Variants in MYBPC2 observed in about 807,000 individuals in gnomAD.
MYBPC2 encodes myosin-binding protein C, fast-type.
MYBPC2 carries 122 observed loss-of-function variants against 137.0 expected under a neutral mutation model. The observed-to-expected ratio is 0.89, with a 90% CI of 0.77 to 1.03. MYBPC2 has a LOEUF of 1.03. Among genes scored for constraint, MYBPC2 ranks in the 50% least tolerant of loss-of-function variants. The pLI is 0.00. For synonymous variants in MYBPC2, 626 were observed against 612.3 expected (o/e 1.02, Z -0.33); for missense variants, 1,500 against 1,534.4 (o/e 0.98, Z 0.37).
At chr19:50,456,362 A>G (rs1041559024) in intron 20 of MYBPC2, among the ~76,000 whole-genome samples, 2 of 123,830 alleles carry the variant, frequency 1.6e-5, no homozygotes, top group East Asian at 2.3e-4. Context: ...CCATCCATCC[A>G]TCTGTCCATC....
chr19:50,458,714 G>T lies in MYBPC2; in HGVS notation c.2466G>T (p.Pro822=). 6.2e-7 allele frequency: 1 copy of T among 1,609,374 alleles called. No homozygotes were observed. Among genetic ancestry groups the T allele is most frequent in the Non-Finnish European group, 8.5e-7 (1 of 1,179,846 alleles). ...TCAACATCGCGGGGCGCAGCGAGCC[G>T]GCCACCCTGGCCCAGCCGGTCACCA... ...VGVNIAGRSE[P]ATLAQPVTIR... Residue 822 remains proline (P), a synonymous_variant, in exon 21 of 28, where the codon CCG becomes CCT. Coordinates refer to ENST00000357701, the MANE Select transcript of MYBPC2 (RefSeq NM_004533.4).
rs761754178 is a variant in MYBPC2 at position 50,466,153 on chromosome 19, C to T, written c.3416-42C>T. The T allele has an allele frequency of 2.0e-5, 33 of 1,612,714 alleles. No homozygotes were observed. The highest frequency in any genetic ancestry group is 1.3e-4 in the East Asian group (6 of 44,840). ...CTCCTCCTGGGGCTTCAGGAGGAGGCGTGCCCGGGCCTGGCTCACCCGCTT... is the reference window on the plus strand; with the variant it reads ...CTCCTCCTGGGGCTTCAGGAGGAGGTGTGCCCGGGCCTGGCTCACCCGCTT... On this transcript the variant is annotated intron_variant, in intron 27 of 27. Coordinates refer to ENST00000357701, the MANE Select transcript of MYBPC2 (RefSeq NM_004533.4). This position sits in a 1 kb window ranked among gnomAD's most constrained non-coding sequence, Gnocchi z 4.9.
chr19:50,461,089 C>G (rs1477625589), intron 24 of MYBPC2, among the ~76,000 whole-genome samples: 1 of 151,964 alleles, frequency 6.6e-6, no homozygotes, highest in Non-Finnish European at 1.5e-5. Context: ...CTGCAGCCTC[C>G]AACCCGCAGG....
At position 50,435,377 on chromosome 19, in the gene MYBPC2, C is replaced by T. The variant is rs1329312942; in HGVS notation, c.109+127C>T. 1 of 656,626 alleles carries T rather than the reference C, an allele frequency of 1.5e-6. No homozygotes were observed. The highest frequency in any genetic ancestry group is 2.8e-5 in the East Asian group (1 of 35,784). 40.7% of individuals were successfully genotyped at this position (656,626 alleles called of 1,614,324 possible). A position where few individuals can be genotyped will look rare whatever the true frequency, so the allele number is the denominator to read the frequency against. Reference sequence around the variant, plus strand: ...TCCCCGCACAGCCCCAGGGCTGACCCACGCCTCCCGTGCTCCCAGCCCTCC... The same window carrying T: ...TCCCCGCACAGCCCCAGGGCTGACCTACGCCTCCCGTGCTCCCAGCCCTCC... On this transcript the variant is annotated intron_variant, in intron 2 of 27. Coordinates refer to ENST00000357701, the MANE Select transcript of MYBPC2 (RefSeq NM_004533.4). This position sits in a 1 kb window ranked among gnomAD's most constrained non-coding sequence, Gnocchi z 4.8.
Position 50,443,603 on chromosome 19 carries a change from G to A in MYBPC2, c.1012G>A (p.Glu338Lys), listed in dbSNP as rs779252873. ...TGTCAAGGATGAGAAGTGTTTCACC[G>A]AGCTCTTCGTCAAAGGTGAGGCTGG... ...VAVKDEKCFT[E>K]LFVKEPPVLI... Residue 338 changes from glutamate (E) to lysine (K), a missense_variant, in exon 10 of 28, where the codon GAG (glutamate) becomes AAG (lysine). Coordinates refer to ENST00000357701, the MANE Select transcript of MYBPC2 (RefSeq NM_004533.4). 29 of 1,613,418 alleles carry A rather than the reference G, an allele frequency of 1.8e-5. No individual in the cohort carries two copies. In the South Asian group the frequency reaches 2.2e-4, roughly 12 times the overall value.
At chr19:50,453,988 G>A in intron 16 of MYBPC2, 32 bp from the exon 17 acceptor site, 1 of 1,561,822 alleles carries the variant, frequency 6.4e-7, no homozygotes, top group East Asian at 2.4e-5. Flanking sequence ...GGGACACGAT[G>A]GGGTGCAAGG....
At position 50,437,721 on chromosome 19, in the gene MYBPC2, G is replaced by C. The variant is rs766731410; in HGVS notation, c.572+3G>C. ...TTCAGTGGCCTGTTGAAGAAGAGGTGAGCCCCGGACTTGGCACAGAGAGGG... is the reference window on the plus strand; with the variant it reads ...TTCAGTGGCCTGTTGAAGAAGAGGTCAGCCCCGGACTTGGCACAGAGAGGG... On this transcript the variant is annotated splice_donor_region_variant and intron_variant, in intron 7 of 27. Coordinates refer to ENST00000357701, the MANE Select transcript of MYBPC2 (RefSeq NM_004533.4). 1.2e-6 allele frequency: 2 copies of C among 1,600,836 alleles called. No homozygotes were observed. Among genetic ancestry groups the C allele is most frequent in the Admixed American group, 1.7e-5 (1 of 57,954 alleles).
intron 8 of MYBPC2, among the ~76,000 whole-genome samples, chr19:50,441,638 G>A (rs1036110670): frequency 2.0e-5 from 3 of 151,972 alleles, no homozygotes; most frequent in Admixed American, 2.0e-4. Context: ...TCAGGAGTTC[G>A]AGACCAGCCT....
At chr19:50,456,878 C>T (rs932427520) in intron 20 of MYBPC2, among the ~76,000 whole-genome samples, 2 of 152,214 alleles carry the variant, frequency 1.3e-5, no homozygotes, top group Non-Finnish European at 2.9e-5. Context: ...TCTGTACCTC[C>T]ATACATCCAC....
At chr19:50,453,681 C>T (rs1417789852) in intron 16 of MYBPC2, among the ~76,000 whole-genome samples, 1 of 152,044 alleles carries the variant, frequency 6.6e-6, no homozygotes, top group Admixed American at 6.6e-5. Context: ...GCTGGGATTA[C>T]AGGCATGCAC....
intron 6 of MYBPC2, 58 bp from the exon 7 acceptor site, chr19:50,437,601 G>A: frequency 6.3e-7 from 1 of 1,590,958 alleles, no homozygotes; most frequent in South Asian, 1.1e-5. Context: ...GGAGGATTGG[G>A]GAAGGCAAGG....
At chr19:50,454,420 G>GTTTTTTTTTT in intron 18 of MYBPC2, 51 bp downstream of exon 18, 1 of 735,496 alleles carries the variant, frequency 1.4e-6, no homozygotes, top group Non-Finnish European at 1.9e-6. Flanking sequence ...TCTGCCTTCT[G>GTTTTTTTTTT]TTTTTTTTTT....
At chr19:50,444,290 T>TCATTCATCCATC (rs1352865200) in intron 11 of MYBPC2, among the ~76,000 whole-genome samples, 3 of 117,902 alleles carry the variant, frequency 2.5e-5, no homozygotes, top group Admixed American at 9.0e-5. Flanking sequence ...GTCCATCCAT[T>TCATTCATCCATC]CATCCATCCA....
In MYBPC2 at chr19:50,448,232, G is replaced by A. The variant is rs1326164788; in HGVS notation, c.1314G>A (p.Gln438=). The change falls in exon 13 of 28, where the codon CAG becomes CAA. Residue 438 remains glutamine, a synonymous_variant. Transcript: ENST00000357701. Reference sequence around the variant, plus strand: ...CTTTCTCTCCCTGACCAGAGAAACAGCTGGAGGTCCTGCAGGACATCGCGG... The same window carrying A: ...CTTTCTCTCCCTGACCAGAGAAACAACTGGAGGTCCTGCAGGACATCGCGG... ...CEAELIVEEK[Q]LEVLQDIADL... 3 of 1,613,290 alleles carry A rather than the reference G, an allele frequency of 1.9e-6. No homozygotes were observed. Among genetic ancestry groups the A allele is most frequent in the Admixed American group, 3.3e-5 (2 of 59,954 alleles).
At position 50,436,785 on chromosome 19, in the gene MYBPC2, G is replaced by A. The variant is rs984751520; in HGVS notation, c.463+51G>A. The A allele has an allele frequency of 7.8e-5, 121 of 1,545,428 alleles. 2 individuals carry two copies. The highest frequency in any genetic ancestry group is 7.4e-4 in the South Asian group (66 of 88,666). ...AAAGGGTTCTATGTCTGGGTGGGGT[G>A]GACAGATGTACCAGCCAGGTGTTGG... is the stretch of plus-strand genomic sequence containing the variant. On this transcript the variant is annotated intron_variant, in intron 5 of 27. Coordinates refer to ENST00000357701, the MANE Select transcript of MYBPC2 (RefSeq NM_004533.4).
intron 13 of MYBPC2, among the ~76,000 whole-genome samples, chr19:50,448,827 G>A (rs1260507926): frequency 7.2e-6 from 1 of 139,284 alleles, no homozygotes; most frequent in Non-Finnish European, 1.5e-5. Flanking sequence ...CTCCAACTCT[G>A]AGGTTCAAGC....
intron 13 of MYBPC2, 57 bp from the exon 14 acceptor site, chr19:50,450,772 C>A: frequency 7.8e-7 from 1 of 1,289,438 alleles, no homozygotes; most frequent in South Asian, 1.3e-5. Context: ...CGGTGCAGCC[C>A]CATAGTGGTC....
chr19:50,443,718 A>T lies in MYBPC2; in HGVS notation c.1035A>T (p.Pro345=). The change falls in exon 11 of 28, where the codon CCA becomes CCT. Residue 345 remains proline, a synonymous_variant. Transcript: ENST00000357701. ...CFTELFVKEP[P]VLIVTPLEDQ... ...TGTCCCCCTGCCCCACAGAACCTCC[A>T]GTCCTAATTGTCACACCTCTTGAGG... is the stretch of plus-strand genomic sequence containing the variant. 6.2e-7 allele frequency: 1 copy of T among 1,613,866 alleles called. No individual in the cohort carries two copies. Among genetic ancestry groups the T allele is most frequent in the Admixed American group, 1.7e-5 (1 of 60,008 alleles).
Position 50,441,061 on chromosome 19 carries a change from G to C in MYBPC2, c.754G>C (p.Val252Leu), listed in dbSNP as rs757850915. The part of the protein sequence containing the change: ...LKRLKKAKVE[V>L]KKSAAFTKKL... ...GCGGCTGAAAAAGGCTAAGGTCGAG[G>C]TCAAGAAGAGTGCAGGTCAGCCCTG... Residue 252 changes from valine to leucine, a missense_variant, in exon 8 of 28, where the codon GTC (valine) becomes CTC (leucine). Coordinates refer to ENST00000357701, the MANE Select transcript of MYBPC2 (RefSeq NM_004533.4). 1.9e-6 allele frequency: 3 copies of C among 1,595,188 alleles called. No individual in the cohort carries two copies. The highest frequency in any genetic ancestry group is 2.3e-5 in the South Asian group (2 of 87,732).
Sources: gnomAD v4.1 joint callset for allele counts (sites outside exome capture counted in the v4.1 genomes callset) on GRCh38, gnomAD v4.1.1 for gene constraint, Gnocchi (gnomAD v3.1) non-coding constraint, MANE v1.5 for transcripts, NCBI Gene and HGNC (gene_info 2026-07-23, HGNC 2026-07-21) for gene names.